Variants in CASP2 observed in about 807,000 individuals in gnomAD.
The protein encoded by CASP2 is caspase-2.
A neutral mutation model predicts 54.4 loss-of-function variants in CASP2; 38 were observed. The observed-to-expected ratio is 0.70, with a 90% CI of 0.54 to 0.92. The LOEUF (loss-of-function observed/expected upper bound fraction) is 0.92, where lower values mean the gene tolerates loss of function less well. CASP2 is among the 40% of genes least tolerant of loss of function. The pLI is 0.00. For synonymous variants in CASP2, 215 were observed against 216.3 expected (o/e 0.99, Z 0.05); for missense variants, 512 against 579.6 (o/e 0.88, Z 1.20).
In CASP2 at chr7:143,288,475, G is replaced by A. The variant is rs200275372; in HGVS notation, c.20G>A (p.Gly7Glu). Reference sequence around the variant, plus strand: ...CGGGAAATGGCGGCGCCGAGCGCGGGGTCTTGGTCCACCTTCCAGCACAAG... The same window carrying A: ...CGGGAAATGGCGGCGCCGAGCGCGGAGTCTTGGTCCACCTTCCAGCACAAG... MAAPSA[G>E]SWSTFQHKEL... The change falls in exon 1 of 11, where the codon GGG becomes GAG. Residue 7 changes from glycine to glutamate, a missense_variant. By Grantham distance (98) the Gly-to-Glu change is moderately conservative. Around this residue, in one of 3 missense-constraint regions of CASP2, gnomAD observed 89 missense variants for 67.1 expected, o/e 1.33. Transcript: ENST00000310447. The A allele has an allele frequency of 1.1e-5, 18 of 1,613,126 alleles. No homozygotes were observed. The highest frequency in any genetic ancestry group is 2.5e-6 in the Non-Finnish European group (3 of 1,179,688).
intron 8 of CASP2, chr7:143,301,017 A>G (rs1382578385): frequency 1.5e-6 from 1 of 663,762 alleles, no homozygotes; most frequent in African/African-American, 2.0e-5. Context: ...AGTAACGTGA[A>G]GTTAAAGAAG....
chr7:143,291,500 T>A (rs755407613), intron 1 of CASP2, 40 bp from the exon 2 acceptor site: 4 of 1,609,334 alleles, frequency 2.5e-6, no homozygotes, highest in Non-Finnish European at 1.7e-6. Context: ...CTGTGTCAAA[T>A]TGTGACTTGA....
At position 143,294,586 on chromosome 7, in the gene CASP2, C is replaced by T. The variant is rs201655882; in HGVS notation, c.571-11C>T. 60 of 1,613,420 alleles carry T rather than the reference C, an allele frequency of 3.7e-5. No homozygotes were observed. Among genetic ancestry groups the T allele is most frequent in the East Asian group, 2.2e-4 (10 of 44,892 alleles). ...AAGACGCTCATGGTCTAACTGGCCT[C>T]TCCTCCACAGGCATATAGGTTGCAG... On this transcript the variant is annotated splice_polypyrimidine_tract_variant and intron_variant, in intron 5 of 10. Transcript: ENST00000310447.
chr7:143,294,181 T>A (rs564347480), intron 4 of CASP2, 49 bp from the exon 5 acceptor site: 3 of 974,862 alleles, frequency 3.1e-6, no homozygotes, highest in Non-Finnish European at 5.0e-6. Context: ...ATATTAAGAT[T>A]GATGGTTAAG....
rs1188118194 is a variant in CASP2 at position 143,304,751 on chromosome 7, T to G, written c.1195T>G (p.Cys399Gly). ...ALAQVFSERA[C>G]DMHVADMLVK... Reference sequence around the variant, plus strand: ...TGCTCAAGTGTTTTCTGAGCGGGCTTGTGATATGCACGTGGCCGACATGCT... The same window carrying G: ...TGCTCAAGTGTTTTCTGAGCGGGCTGGTGATATGCACGTGGCCGACATGCT... Residue 399 changes from cysteine to glycine, a missense_variant, in exon 10 of 11, where the codon TGT (cysteine) becomes GGT (glycine). This residue lies in a region of CASP2 where 417 missense variants were observed against 495.4 expected (regional missense o/e 0.84). Coordinates refer to ENST00000310447, the MANE Select transcript of CASP2 (RefSeq NM_032982.4). 3.7e-6 allele frequency: 6 copies of G among 1,614,194 alleles called. No individual in the cohort carries two copies. Among genetic ancestry groups the G allele is most frequent in the Non-Finnish European group, 5.1e-6 (6 of 1,180,022 alleles).
chr7:143,291,363 T>C (rs560331381), intron 1 of CASP2, among the ~76,000 whole-genome samples, 177 bp from the exon 2 acceptor site: 1 of 152,368 alleles, frequency 6.6e-6, no homozygotes, highest in East Asian at 1.9e-4. Context: ...ATTATTTTCT[T>C]ATGATCAATG....
intron 9 of CASP2, 57 bp from the exon 10 acceptor site, chr7:143,304,617 G>T: frequency 7.8e-7 from 1 of 1,275,158 alleles, no homozygotes. Context: ...AGTCTAGTTT[G>T]GGAAGTGCAG....
chr7:143,289,139 T>C (rs753150830), intron 1 of CASP2, among the ~76,000 whole-genome samples: 5 of 152,182 alleles, frequency 3.3e-5, no homozygotes, highest in African/African-American at 7.2e-5. Context: ...GAGAACATTG[T>C]AATGCCTCCT....
chr7:143,305,284 C>G lies in CASP2; in HGVS notation c.*213C>G, dbSNP rs1802034371. Reference sequence around the variant, plus strand: ...TGAAGCCCTTTGCCTGTAGAGCCAGCCTTGGTTGGACCTATTGCCAGGAAT... The same window carrying G: ...TGAAGCCCTTTGCCTGTAGAGCCAGGCTTGGTTGGACCTATTGCCAGGAAT... On this transcript the variant is annotated 3_prime_UTR_variant, in exon 11 of 11. Transcript: ENST00000310447. The G allele has an allele frequency of 6.2e-6, 4 of 647,316 alleles. No homozygotes were observed. Among genetic ancestry groups the G allele is most frequent in the South Asian group, 3.5e-5 (2 of 57,148 alleles). 40.1% of individuals were successfully genotyped at this position (647,316 alleles called of 1,614,324 possible).
intron 6 of CASP2, chr7:143,298,487 C>T (rs754074983): frequency 8.5e-5 from 13 of 152,112 alleles, no homozygotes; most frequent in Non-Finnish European, 1.5e-4. Flanking sequence ...CTTCATGTAT[C>T]GCAACTTAGT....
At position 143,307,515 on chromosome 7, in the gene CASP2, G is replaced by A. The variant is rs1410332517; in HGVS notation, c.*2444G>A. The A allele has an allele frequency of 6.6e-6, 1 of 152,136 alleles. No homozygotes were observed. Among genetic ancestry groups the A allele is most frequent in the African/African-American group, 2.4e-5 (1 of 41,410 alleles). The allele number at this position is 152,136 out of a possible 1,614,324, so 9.4% of individuals were successfully genotyped here. ...TCCCATGGTCCCTAGCAAAATGCTAGGCCTGTAGTAGTCAAGGTGCTCAAT... is the reference window on the plus strand; with the variant it reads ...TCCCATGGTCCCTAGCAAAATGCTAAGCCTGTAGTAGTCAAGGTGCTCAAT... On this transcript the variant is annotated 3_prime_UTR_variant, in exon 11 of 11. Transcript: ENST00000310447.
intron 9 of CASP2, 70 bp from the exon 10 acceptor site, chr7:143,304,604 C>T (rs1586470608): frequency 1.8e-6 from 2 of 1,126,524 alleles, no homozygotes; most frequent in Non-Finnish European, 2.7e-6. Context: ...GGTGTCATGG[C>T]CGAGTCTAGT....
At chr7:143,300,112 G>A (rs752465451) in intron 7 of CASP2, 61 bp downstream of exon 7, 3 of 1,613,220 alleles carry the variant, frequency 1.9e-6, no homozygotes, top group Admixed American at 1.7e-5. Flanking sequence ...CCTGCCTGCT[G>A]TCTGTCAAGT....
chr7:143,299,992 G>C lies in CASP2; in HGVS notation c.817G>C (p.Ala273Pro). The C allele has an allele frequency of 6.2e-7, 1 of 1,614,118 alleles. No individual in the cohort carries two copies. The highest frequency in any genetic ancestry group is 8.5e-7 in the Non-Finnish European group (1 of 1,180,016). ...CCGAGTCACGGACTCCTGCATCGTGGCACTCCTCTCGCATGGTGTGGAGGG... is the reference window on the plus strand; with the variant it reads ...CCGAGTCACGGACTCCTGCATCGTGCCACTCCTCTCGCATGGTGTGGAGGG... ...AHRVTDSCIV[A>P]LLSHGVEGAI... Residue 273 changes from alanine to proline, a missense_variant, in exon 7 of 11, where the codon GCA (alanine) becomes CCA (proline). Transcript: ENST00000310447.
At chr7:143,291,934 AT>A (rs1364038905) in intron 2 of CASP2, among the ~76,000 whole-genome samples, 1 of 151,864 alleles carries the variant, frequency 6.6e-6, no homozygotes, top group African/African-American at 2.4e-5. Flanking sequence ...AGGTGCCACC[AT>A]GCCTGGCTAA....
chr7:143,294,798 A>T (rs771690096), intron 6 of CASP2, 25 bp downstream of exon 6: 1 of 1,600,716 alleles, frequency 6.2e-7, no homozygotes, highest in South Asian at 1.1e-5. Flanking sequence ...AAAAATTGAC[A>T]TGTAAATTAG....
intron 5 of CASP2, 43 bp downstream of exon 5, chr7:143,294,367 T>C (rs1399221649): frequency 9.0e-6 from 12 of 1,331,676 alleles, no homozygotes; most frequent in Non-Finnish European, 1.3e-5. Flanking sequence ...GTTGGGAAAT[T>C]AGACACCCTT....
Position 143,299,899 on chromosome 7 carries a change from A to G in CASP2, c.748-24A>G, listed in dbSNP as rs760024653. The G allele has an allele frequency of 2.5e-6, 4 of 1,613,586 alleles. No homozygotes were observed. In the African/African-American group the frequency reaches 4.0e-5, roughly 16 times the overall value. ...ATGTTGGTGCTGACCTTAGTGCACA[A>G]CACTAAACATTCCTTTCTTTTAGGA... On this transcript the variant is annotated intron_variant, in intron 6 of 10. Transcript: ENST00000310447.
At chr7:143,289,574 C>T (rs1430691947) in intron 1 of CASP2, 11 of 966,374 alleles carry the variant, frequency 1.1e-5, no homozygotes, top group Admixed American at 6.2e-5. Flanking sequence ...CCAAAGAATG[C>T]TGTCATGGAA....
Sources: gnomAD v4.1 joint callset for allele counts (sites outside exome capture counted in the v4.1 genomes callset) on GRCh38, gnomAD v4.1.1 for gene constraint, gnomAD v4.1.1 regional missense constraint, MANE v1.5 for transcripts, NCBI Gene and HGNC (gene_info 2026-07-23, HGNC 2026-07-21) for gene names.